Variants in DAB1 observed in about 807,000 individuals in gnomAD.
DAB1 encodes the protein DAB adaptor protein 1.
A neutral mutation model predicts 64.6 loss-of-function variants in DAB1; 15 were observed. That is an observed-to-expected ratio of 0.23 (90% CI 0.16 to 0.36). The LOEUF is 0.36. Among genes scored for constraint, DAB1 ranks in the 10% least tolerant of loss-of-function variants. DAB1 has a pLI of 1.00. For missense variants in DAB1, 596 were observed against 706.7 expected, an observed-to-expected ratio of 0.84 and a Z score of 1.78; for synonymous variants, 235 against 251.9, an observed-to-expected ratio of 0.93 and a Z score of 0.64.
chr1:57,608,627 T>C (rs1260119926), intron 7 of DAB1, among the ~76,000 whole-genome samples: 1 of 152,238 alleles, frequency 6.6e-6, no homozygotes, highest in Non-Finnish European at 1.5e-5. Context: ...TAAATACTTA[T>C]GTGTGGGATC....
At chr1:57,452,551 G>A (rs1306909963) in intron 7 of DAB1, among the ~76,000 whole-genome samples, 1 of 152,020 alleles carries the variant, frequency 6.6e-6, no homozygotes, top group Non-Finnish European at 1.5e-5. Flanking sequence ...TCTGCCCCAG[G>A]GATAGAACTG....
At chr1:58,252,597 G>A (rs1660829905) in intron 4 of DAB1, among the ~76,000 whole-genome samples, 1 of 152,170 alleles carries the variant, frequency 6.6e-6, no homozygotes, top group Non-Finnish European at 1.5e-5. Context: ...TCAGTATAGT[G>A]TAACAGATTC....
chr1:58,074,564 G>GTGTGTGTGTGTATATATATATATATA (rs1332531604), intron 5 of DAB1: 1 of 91,632 alleles, frequency 1.1e-5, no homozygotes, highest in Non-Finnish European at 2.1e-5. Context: ...ATATATGTGT[G>GTGTGTGTGTGTATATATATATATATA]TATATATATA....
intron 3 of DAB1, among the ~76,000 whole-genome samples, chr1:58,447,858 A>AAC (rs1449268992): frequency 1.1e-4 from 4 of 37,676 alleles, no homozygotes; most frequent in African/African-American, 3.4e-4. Flanking sequence ...TGACTTAAAC[A>AAC]AAAAAAAAAA....
At chr1:58,088,034 C>G (rs1650425894) in intron 5 of DAB1, among the ~76,000 whole-genome samples, 1 of 152,182 alleles carries the variant, frequency 6.6e-6, no homozygotes, top group Non-Finnish European at 1.5e-5. Context: ...CCATGGTTCT[C>G]CCAGCATGTG....
chr1:57,732,427 G>C (rs1370992669), intron 6 of DAB1, among the ~76,000 whole-genome samples: 1 of 152,222 alleles, frequency 6.6e-6, no homozygotes, highest in Non-Finnish European at 1.5e-5. Flanking sequence ...CAGGCGGAGA[G>C]AGGCTCATCA....
At chr1:58,533,981 T>A (rs1557457026) in intron 1 of DAB1, 6 of 872,048 alleles carry the variant, frequency 6.9e-6, no homozygotes, top group Non-Finnish European at 1.2e-5. Flanking sequence ...ATGTGCTATT[T>A]CATGGCCCAG....
chr1:57,524,922 C>G (rs2793632), intron 7 of DAB1, among the ~76,000 whole-genome samples: 106,119 of 151,994 alleles, frequency 0.7, 37,250 homozygotes, highest in South Asian at 0.79. Context: ...AAACTGCTCA[C>G]AAAGAATATG....
chr1:57,996,064 G>A (rs2100389569), intron 5 of DAB1, among the ~76,000 whole-genome samples: 1 of 152,172 alleles, frequency 6.6e-6, no homozygotes, highest in African/African-American at 2.4e-5. Context: ...TTTGAGATCA[G>A]CCTGGCCAAC....
intron 3 of DAB1, among the ~76,000 whole-genome samples, chr1:58,364,870 C>G (rs1644201633): frequency 6.6e-6 from 1 of 152,214 alleles, no homozygotes; most frequent in African/African-American, 2.4e-5. Flanking sequence ...TCTCACCTAG[C>G]TGGGTTCTTC....
exon 7 of DAB1, chr1:57,649,619 A>T (rs1646233529): frequency 6.6e-6 from 1 of 152,256 alleles, no homozygotes; most frequent in South Asian, 2.1e-4. Context: ...GAGTTCTTCA[A>T]TCATGAAGAC....
At chr1:57,852,569 C>A (rs1213358751) in intron 1 of DAB1, among the ~76,000 whole-genome samples, 1 of 151,910 alleles carries the variant, frequency 6.6e-6, no homozygotes, top group East Asian at 2.0e-4. Context: ...CTTCTACCCT[C>A]CTCATCACCC....
chr1:57,649,295 G>C (rs533841883), intron 7 of DAB1, among the ~76,000 whole-genome samples: 1 of 152,234 alleles, frequency 6.6e-6, no homozygotes, highest in African/African-American at 2.4e-5. Flanking sequence ...TATTAGAAGT[G>C]GCTAAAACAG....
Position 58,272,417 on chromosome 1 carries a change from C to T in DAB1, n.309+70935G>A, listed in dbSNP as rs200743517. Among the ~76,000 whole-genome samples, 6 of 55,726 alleles carry T rather than the reference C, an allele frequency of 1.1e-4. No homozygotes were observed. The East Asian group carries it at 3.1e-3, about 29-fold the overall frequency. 36.6% of individuals were successfully genotyped at this position (55,726 alleles called of 152,430 possible). On this transcript the variant is annotated intron_variant and non_coding_transcript_variant, in intron 4 of 20. Coordinates refer to the DAB1 transcript ENST00000485760. ...GTTTGTTATAATTTCTGTTCGTTTA[C>T]ATTTGCTGAGGAGAGCTTTACTTCC... is the stretch of plus-strand genomic sequence containing the variant.
chr1:57,951,334 T>TATATATATATATATATATATC lies in DAB1; in HGVS notation n.388-67173_388-67172insGATATATATATATATATATAT, dbSNP rs1219655257. ...GCCTGATTCATATATATATATATACTTCCCTGGAAACTTAAATTAGCCCAA... is the reference window on the plus strand; with the variant it reads ...GCCTGATTCATATATATATATATACTATATATATATATATATATATCTCCCTGGAAACTTAAATTAGCCCAA... On this transcript the variant is annotated intron_variant and non_coding_transcript_variant, in intron 5 of 20. Coordinates refer to the DAB1 transcript ENST00000485760. 2.4e-3 allele frequency among the ~76,000 whole-genome samples: 156 copies of TATATATATATATATATATATC among 63,816 alleles called. 27 individuals are homozygous for TATATATATATATATATATATC. Among genetic ancestry groups the TATATATATATATATATATATC allele is most frequent in the Middle Eastern group, 6.8e-3 (1 of 148 alleles). 41.9% of individuals were successfully genotyped at this position (63,816 alleles called of 152,430 possible).
At position 57,057,808 on chromosome 1, in the gene DAB1, C is replaced by T. The variant is rs534857114; in HGVS notation, c.723+5076G>A. On this transcript the variant is annotated intron_variant, in intron 9 of 14. Transcript: ENST00000371236. Reference sequence around the variant, plus strand: ...TATTTTTAGTAGAGACGGGGTTTCACTGTATTAGCCAGGATGGTCTCGATC... The same window carrying T: ...TATTTTTAGTAGAGACGGGGTTTCATTGTATTAGCCAGGATGGTCTCGATC... Among the ~76,000 whole-genome samples, 20 of 151,686 alleles carry T rather than the reference C, an allele frequency of 1.3e-4. No individual in the cohort carries two copies. In the East Asian group the frequency reaches 3.1e-3, roughly 24 times the overall value.
At chr1:57,126,765 T>C (rs1031961251) in intron 4 of DAB1, among the ~76,000 whole-genome samples, 3 of 152,224 alleles carry the variant, frequency 2.0e-5, no homozygotes, top group Non-Finnish European at 4.4e-5. Context: ...TCTAGCCCTT[T>C]GTCTGCAACA....
At chr1:58,335,719 G>A (rs1315905880) in intron 4 of DAB1, among the ~76,000 whole-genome samples, 2 of 152,168 alleles carry the variant, frequency 1.3e-5, no homozygotes, top group Admixed American at 1.3e-4. Context: ...TGAGGGTAAA[G>A]CTGTCGATTC....
intron 3 of DAB1, among the ~76,000 whole-genome samples, chr1:58,498,621 A>C (rs1254502180): frequency 6.6e-6 from 1 of 152,058 alleles, no homozygotes; most frequent in Non-Finnish European, 1.5e-5. Context: ...CAGAACAAAA[A>C]CTCTATAAAG....
Sources: allele counts gnomAD v4.1 joint callset (sites outside exome capture counted in the v4.1 genomes callset), GRCh38; gene constraint gnomAD v4.1.1; transcripts MANE v1.5; gene names NCBI Gene and HGNC (gene_info 2026-07-23, HGNC 2026-07-21).